The following ADAM18 variants were observed in gnomAD, a reference collection of about 807,000 sequenced individuals.
The protein encoded by ADAM18 is ADAM metallopeptidase domain 18, also known as disintegrin and metalloproteinase domain-containing protein 18.
In ADAM18, 117 loss-of-function variants were observed where a neutral mutation model predicts 94.4. That is an observed-to-expected ratio of 1.24 (90% confidence interval 1.07 to 1.45). The LOEUF (loss-of-function observed/expected upper bound fraction) is 1.45. Ranked by LOEUF, ADAM18 falls within the 40% of genes most tolerant of loss-of-function variation. The pLI is 0.00. For missense variants in ADAM18, 936 were observed against 880.0 expected (o/e 1.06, Z -0.81); for synonymous variants, 327 against 291.6 (o/e 1.12, Z -1.24).
chr8:39,712,196 C>T (rs937895321), intron 18 of ADAM18, among the ~76,000 whole-genome samples: 13 of 151,616 alleles, frequency 8.6e-5, no homozygotes, highest in Non-Finnish European at 1.6e-4. Flanking sequence ...ACAAAAACCA[C>T]GATTATCTCA....
At chr8:39,661,319 A>ATTTTTTTT (rs71518171) in intron 12 of ADAM18, among the ~76,000 whole-genome samples, 5 of 112,826 alleles carry the variant, frequency 4.4e-5, no homozygotes, top group African/African-American at 1.6e-4. Flanking sequence ...CACCCGGCAA[A>ATTTTTTTT]TTTTTTTTTT....
chr8:39,691,732 T>A (rs896486660), intron 16 of ADAM18, among the ~76,000 whole-genome samples: 2 of 151,494 alleles, frequency 1.3e-5, no homozygotes, highest in African/African-American at 4.9e-5. Context: ...CAAACACAGA[T>A]AAATAAATAT....
At chr8:39,722,231 A>G (rs1472122247) in intron 18 of ADAM18, among the ~76,000 whole-genome samples, 7,777 of 34,046 alleles carry the variant, frequency 0.23, 407 homozygotes, top group East Asian at 0.39. Context: ...ATATATATAT[A>G]TATATATATA....
chr8:39,612,787 G>T (rs977162669), intron 6 of ADAM18, among the ~76,000 whole-genome samples: 2 of 152,132 alleles, frequency 1.3e-5, no homozygotes, highest in Non-Finnish European at 2.9e-5. Flanking sequence ...CTTCCCTGTT[G>T]CTGCTGCCAT....
At chr8:39,641,303 A>T (rs1434907586) in intron 10 of ADAM18, among the ~76,000 whole-genome samples, 1 of 151,912 alleles carries the variant, frequency 6.6e-6, no homozygotes, top group Non-Finnish European at 1.5e-5. Context: ...AGACAGTTGT[A>T]TGTGTGTGGT....
intron 18 of ADAM18, among the ~76,000 whole-genome samples, chr8:39,710,760 G>A (rs1212891420): frequency 6.6e-6 from 1 of 152,132 alleles, no homozygotes; most frequent in Non-Finnish European, 1.5e-5. Context: ...AGAACATGGA[G>A]GACTAACTAT....
At chr8:39,725,889 A>G (rs1822892979) in intron 19 of ADAM18, among the ~76,000 whole-genome samples, 1 of 152,168 alleles carries the variant, frequency 6.6e-6, no homozygotes, top group South Asian at 2.1e-4. Context: ...TTGTCACATC[A>G]TATGGTAGTT....
At chr8:39,669,822 A>G (rs1023862373) in intron 14 of ADAM18, among the ~76,000 whole-genome samples, 2 of 152,136 alleles carry the variant, frequency 1.3e-5, no homozygotes, top group Non-Finnish European at 2.9e-5. Context: ...TCCTTTGGGT[A>G]TATACCCAGT....
At chr8:39,606,927 T>G (rs1033756886) in intron 3 of ADAM18, among the ~76,000 whole-genome samples, 1 of 152,152 alleles carries the variant, frequency 6.6e-6, no homozygotes, top group Non-Finnish European at 1.5e-5. Context: ...AGAAGGAATT[T>G]CACAAGGAAA....
chr8:39,618,855 T>C (rs1430066483), intron 6 of ADAM18, among the ~76,000 whole-genome samples: 1 of 152,194 alleles, frequency 6.6e-6, no homozygotes, highest in Non-Finnish European at 1.5e-5. Context: ...ATTCATAGGC[T>C]CTCTGCAGGG....
intron 18 of ADAM18, among the ~76,000 whole-genome samples, chr8:39,718,704 G>A (rs185425729): frequency 1.3e-5 from 2 of 149,712 alleles, no homozygotes; most frequent in Non-Finnish European, 3.0e-5. Context: ...CGTTAGGTAG[G>A]TGCTCTTCCT....
chr8:39,610,971 C>A, intron 6 of ADAM18: 1 of 1,199,346 alleles, frequency 8.3e-7, no homozygotes, highest in Non-Finnish European at 1.0e-6. Context: ...TTTAGAAATG[C>A]AGAAAGAACA....
intron 18 of ADAM18, among the ~76,000 whole-genome samples, chr8:39,714,380 C>T (rs796899687): frequency 6.6e-6 from 1 of 151,938 alleles, no homozygotes; most frequent in African/African-American, 2.4e-5. Context: ...ATAGCACATG[C>T]ATACCTATGT....
intron 14 of ADAM18, among the ~76,000 whole-genome samples, chr8:39,670,569 C>T (rs1214635486): frequency 6.6e-6 from 1 of 152,142 alleles, no homozygotes; most frequent in Non-Finnish European, 1.5e-5. Context: ...CAAAATTATA[C>T]ATCGAGTGTC....
intron 14 of ADAM18, among the ~76,000 whole-genome samples, chr8:39,676,052 G>A (rs1041194917): frequency 6.6e-6 from 1 of 152,188 alleles, no homozygotes; most frequent in African/African-American, 2.4e-5. Flanking sequence ...TATATGAAGT[G>A]TCTGTTGGCC....
At chr8:39,617,360 G>A (rs1819473383) in intron 6 of ADAM18, among the ~76,000 whole-genome samples, 1 of 152,132 alleles carries the variant, frequency 6.6e-6, no homozygotes, top group African/African-American at 2.4e-5. Flanking sequence ...TCACGAGGCT[G>A]TGGAGAAAAG....
At chr8:39,713,498 C>G (rs1822478098) in intron 18 of ADAM18, among the ~76,000 whole-genome samples, 1 of 152,138 alleles carries the variant, frequency 6.6e-6, no homozygotes, top group South Asian at 2.1e-4. Flanking sequence ...TCCAGGTGAA[C>G]AGGCAACCTA....
At chr8:39,689,994 G>C (rs1204407072) in intron 16 of ADAM18, among the ~76,000 whole-genome samples, 1 of 152,108 alleles carries the variant, frequency 6.6e-6, no homozygotes, top group East Asian at 1.9e-4. Context: ...ATTTGACTCT[G>C]TTGACTGTTG....
chr8:39,608,972 T>G (rs1005318657), intron 3 of ADAM18, 70 bp from the exon 4 acceptor site: 1 of 847,660 alleles, frequency 1.2e-6, no homozygotes, highest in Non-Finnish European at 1.9e-6. Context: ...ATAAAATGTA[T>G]GTAATATTTG....
Sources: allele counts gnomAD v4.1 joint callset (sites outside exome capture counted in the v4.1 genomes callset), GRCh38; gene constraint gnomAD v4.1.1; transcripts MANE v1.5; gene names NCBI Gene and HGNC (gene_info 2026-07-23, HGNC 2026-07-21).